NFYB: variants seen among roughly 807,000 people sequenced by gnomAD.
The protein encoded by NFYB is nuclear transcription factor Y subunit beta, also known as CAAT box DNA-binding protein subunit B.
A neutral mutation model predicts 28.0 loss-of-function variants in NFYB; 13 were observed. That is an observed-to-expected ratio of 0.46 (90% confidence interval 0.30 to 0.74). NFYB has a LOEUF of 0.74. Ranked by LOEUF, NFYB falls within the 30% of genes least tolerant of loss-of-function variation. The pLI, the probability that NFYB is intolerant of heterozygous loss-of-function variation, is 0.07. For missense variants in NFYB, 142 were observed against 247.6 expected (o/e 0.57, Z 2.86); for synonymous variants, 74 against 75.0 (o/e 0.99, Z 0.07).
intron 2 of NFYB, among the ~76,000 whole-genome samples, chr12:104,132,963 T>A (rs2030977428): frequency 6.6e-6 from 1 of 152,242 alleles, no homozygotes; most frequent in African/African-American, 2.4e-5. Flanking sequence ...TAAATCCCAA[T>A]AAATTCATTT....
Position 104,126,114 on chromosome 12 carries a change from CT to C in NFYB, c.230del (p.Lys77ArgfsTer14). The C allele has an allele frequency of 1.3e-6, 2 of 1,577,732 alleles. No homozygotes were observed. Among genetic ancestry groups the C allele is most frequent in the East Asian group, 2.3e-5 (1 of 43,736 alleles). ...IMKNAIPQTGKIAKDAKECVQ... is the reference protein window; with the variant it reads ...IMKNAIPQTGXIAKDAKECVQ... The stretch of plus-strand genomic sequence containing the variant: ...TAGTTAAATTTCTCCTCTACGTTAC[CT>C]TTCCCGTTTGAGGTATGGCATTTTT... On this transcript the variant is annotated frameshift_variant and splice_region_variant, in exon 4 of 8. Transcript: ENST00000240055. LOFTEE classifies it high-confidence loss of function.
intron 2 of NFYB, among the ~76,000 whole-genome samples, chr12:104,133,744 C>A (rs2136671696): frequency 1.3e-5 from 2 of 152,262 alleles, no homozygotes; most frequent in South Asian, 4.1e-4. Flanking sequence ...TTTTATCTAT[C>A]TGAGGATAAG....
At chr12:104,126,021 G>T in intron 4 of NFYB, 93 bp downstream of exon 4, 1 of 1,286,398 alleles carries the variant, frequency 7.8e-7, no homozygotes, top group Non-Finnish European at 1.0e-6. Flanking sequence ...CTGAATGATT[G>T]AAATCAACAG....
At chr12:104,125,124 G>A (rs1170525925) in intron 4 of NFYB, 2 of 152,160 alleles carry the variant, frequency 1.3e-5, no homozygotes, top group Non-Finnish European at 2.9e-5. Flanking sequence ...CTATAATTAT[G>A]TAAAAATAGC....
At chr12:104,124,750 G>A (rs116264738) in intron 4 of NFYB, among the ~76,000 whole-genome samples, 106 of 152,260 alleles carry the variant, frequency 7.0e-4, no homozygotes, top group African/African-American at 2.5e-3. Context: ...CACATTTCAG[G>A]TGCTCCTGAG....
intron 2 of NFYB, among the ~76,000 whole-genome samples, chr12:104,129,927 G>C (rs536666668): frequency 7.2e-5 from 11 of 152,168 alleles, no homozygotes; most frequent in African/African-American, 1.9e-4. Flanking sequence ...AAAATTACCT[G>C]CACAGACAAG....
chr12:104,125,887 A>G (rs1344067187), intron 4 of NFYB, among the ~76,000 whole-genome samples: 1 of 147,058 alleles, frequency 6.8e-6, no homozygotes, highest in Admixed American at 6.9e-5. Flanking sequence ...TCTAAATTCT[A>G]TTTTATCTGC....
rs753930355 is a variant in NFYB at position 104,126,234 on chromosome 12, G to T, written c.111C>A (p.Asp37Glu). The change falls in exon 4 of 8, where the codon GAC becomes GAA. Residue 37 changes from aspartate to glutamate, a missense_variant. Physicochemically the swap from Asp to Glu is conservative, Grantham distance 45. Coordinates refer to ENST00000240055, the MANE Select transcript of NFYB (RefSeq NM_006166.4). The stretch of plus-strand genomic sequence containing the variant: ...TTGTGTCTTCATGATCATTCATGCT[G>T]TCCTCAGTATCTAAAGAAATAAAAA... ...YVIQPHDDTE[D>E]SMNDHEDTNG... The T allele has an allele frequency of 1.3e-6, 2 of 1,584,082 alleles. No individual in the cohort carries two copies. The highest frequency in any genetic ancestry group is 2.7e-5 in the African/African-American group (2 of 73,276).
intron 2 of NFYB, among the ~76,000 whole-genome samples, chr12:104,134,946 G>T (rs937176560): frequency 6.6e-6 from 1 of 152,164 alleles, no homozygotes; most frequent in Non-Finnish European, 1.5e-5. Context: ...CCTGGACCAT[G>T]CACCTCTACT....
At chr12:104,126,772 T>G (rs2030732435) in intron 3 of NFYB, among the ~76,000 whole-genome samples, 1 of 152,184 alleles carries the variant, frequency 6.6e-6, no homozygotes, top group South Asian at 2.1e-4. Context: ...CCTTCAATAC[T>G]GCTAGATTAA....
chr12:104,119,811 G>T (rs773287881), intron 7 of NFYB, 42 bp from the exon 8 acceptor site: 2 of 1,326,682 alleles, frequency 1.5e-6, no homozygotes, highest in Admixed American at 3.4e-5. Context: ...TAAAGAAAAG[G>T]AGATTAAAAG....
rs1016491414 is a variant in NFYB at position 104,136,212 on chromosome 12, A to G, written c.-79-680T>C. Among the ~76,000 whole-genome samples the G allele has an allele frequency of 5.9e-5, 9 of 152,316 alleles. No individual in the cohort carries two copies. The East Asian group carries it at 7.7e-4, about 13-fold the overall frequency. On this transcript the variant is annotated intron_variant, in intron 1 of 7. Transcript: ENST00000240055. ...ACTGTAAGGCATAAATAGCTGAACA[A>G]ATTAGTACCAATTGCTGTGTTACAA... is the stretch of plus-strand genomic sequence containing the variant.
chr12:104,128,993 C>T (rs968907250), intron 2 of NFYB, among the ~76,000 whole-genome samples: 2 of 152,130 alleles, frequency 1.3e-5, no homozygotes, highest in Non-Finnish European at 2.9e-5. Context: ...GGAAACTTTC[C>T]CACAATTTGT....
chr12:104,117,397 T>C lies in NFYB; in HGVS notation c.*2340A>G, dbSNP rs1033903331. 5 of 152,220 alleles carry C rather than the reference T, an allele frequency of 3.3e-5. No homozygotes were observed. The highest frequency in any genetic ancestry group is 1.2e-4 in the African/African-American group (5 of 41,462). 9.4% of individuals were successfully genotyped at this position (152,220 alleles called of 1,614,324 possible). ...GGAAATTTGTTGTAGTATATACTAA[T>C]TTAAAATTTACTCAAATTCCTGTTT... is the stretch of plus-strand genomic sequence containing the variant. On this transcript the variant is annotated 3_prime_UTR_variant, in exon 8 of 8. Coordinates refer to ENST00000240055, the MANE Select transcript of NFYB (RefSeq NM_006166.4).
intron 4 of NFYB, chr12:104,125,346 C>A: frequency 6.5e-6 from 1 of 153,226 alleles, no homozygotes; most frequent in African/African-American, 2.4e-5. Flanking sequence ...TCAGGCCGGG[C>A]ACAGTGGCTC....
chr12:104,120,561 G>T, intron 6 of NFYB, 82 bp from the exon 7 acceptor site: 2 of 920,014 alleles, frequency 2.2e-6, no homozygotes, highest in Non-Finnish European at 1.8e-6. Context: ...TACCATTAAT[G>T]TCTCATTACA....
chr12:104,123,382 A>G lies in NFYB; in HGVS notation c.273T>C (p.Ser91=). 1 of 1,614,100 alleles carries G rather than the reference A, an allele frequency of 6.2e-7. No homozygotes were observed. ...DAKECVQECV[S]EFISFITSEA... is the part of the protein sequence containing the mutation. ...CAGATGTTATAAAACTGATGAACTCACTTACACATTCTTGAACACATTCTT... is the reference window on the plus strand; with the variant it reads ...CAGATGTTATAAAACTGATGAACTCGCTTACACATTCTTGAACACATTCTT... The change falls in exon 5 of 8, where the codon AGT becomes AGC. Residue 91 remains serine (S), a synonymous_variant. Transcript: ENST00000240055.
At chr12:104,134,475 T>C (rs1020369538) in intron 2 of NFYB, among the ~76,000 whole-genome samples, 1 of 152,124 alleles carries the variant, frequency 6.6e-6, no homozygotes, top group Admixed American at 6.5e-5. Flanking sequence ...TCCTTCAAGC[T>C]CTACCTCATC....
At chr12:104,125,861 A>C (rs1051166227) in intron 4 of NFYB, among the ~76,000 whole-genome samples, 28 of 151,572 alleles carry the variant, frequency 1.8e-4, no homozygotes, top group Admixed American at 1.1e-3. Flanking sequence ...AAAAAAAAAA[A>C]AAAAAAAAAA....
Sources: gnomAD v4.1 joint callset for allele counts (sites outside exome capture counted in the v4.1 genomes callset) on GRCh38, gnomAD v4.1.1 for gene constraint, MANE v1.5 for transcripts, NCBI Gene and HGNC (gene_info 2026-07-23, HGNC 2026-07-21) for gene names.